The following SNURF variants were observed in gnomAD, a reference collection of about 807,000 sequenced individuals.
The protein encoded by SNURF is SNURF protein.
A neutral mutation model predicts 11.6 loss-of-function variants in SNURF; 6 were observed. The observed-to-expected ratio is 0.52, with a 90% confidence interval of 0.28 to 1.02. The LOEUF is 1.02. Among genes scored for constraint, SNURF ranks in the 50% least tolerant of loss-of-function variants. The pLI is 0.09. For synonymous variants in SNURF, 29 were observed against 31.6 expected, an observed-to-expected ratio of 0.92 and a Z score of 0.27; for missense variants, 84 against 88.4, an observed-to-expected ratio of 0.95 and a Z score of 0.20.
At chr15:24,971,027 G>A (rs879478889), downstream of SNURF, among the ~76,000 whole-genome samples, 2 of 151,702 alleles carry the variant, frequency 1.3e-5, no homozygotes, top group Non-Finnish European at 2.9e-5. Flanking sequence ...TGCTATGTGT[G>A]CCTTGGCCAA....
At chr15:24,962,637 T>A (rs2075011988) in intron 2 of SNURF, among the ~76,000 whole-genome samples, 2 of 152,300 alleles carry the variant, frequency 1.3e-5, no homozygotes, top group Non-Finnish European at 2.9e-5. Context: ...TAAAATACAT[T>A]TGTGTTTTTT....
At chr15:24,975,790 A>G (rs1273179612) in intron 4 of SNURF, among the ~76,000 whole-genome samples, 1 of 152,186 alleles carries the variant, frequency 6.6e-6, no homozygotes, top group African/African-American at 2.4e-5. Context: ...AAAATGCTAT[A>G]TTAATTAATT....
At chr15:24,964,210 T>C (rs955031111) in intron 2 of SNURF, among the ~76,000 whole-genome samples, 1 of 152,232 alleles carries the variant, frequency 6.6e-6, no homozygotes, top group Non-Finnish European at 1.5e-5. Flanking sequence ...ACGTTTTGTT[T>C]GTATATTGGT....
intron 2 of SNURF, among the ~76,000 whole-genome samples, chr15:24,962,428 G>A (rs186545162): frequency 2.0e-4 from 30 of 152,056 alleles, no homozygotes; most frequent in African/African-American, 6.7e-4. Context: ...TTTCCTATAC[G>A]TGGGTAAGTG....
exon 1 of SNURF, chr15:24,955,058 G>A: frequency 6.2e-7 from 1 of 1,613,458 alleles, no homozygotes; most frequent in East Asian, 2.2e-5. Flanking sequence ...GATGGAGCGG[G>A]CAAGGTCAGC....
chr15:24,977,366 G>T (rs2077180299), intron 6 of SNURF, among the ~76,000 whole-genome samples: 1 of 152,150 alleles, frequency 6.6e-6, no homozygotes, highest in Non-Finnish European at 1.5e-5. Flanking sequence ...TAGGCCGGGT[G>T]CAGTGGCTTA....
intron 1 of SNURF, among the ~76,000 whole-genome samples, chr15:24,961,651 T>A (rs952980780): frequency 2.0e-5 from 3 of 152,088 alleles, no homozygotes; most frequent in African/African-American, 7.3e-5. Flanking sequence ...CATGTTTTTT[T>A]AAAGTAGATA....
intron 1 of SNURF, among the ~76,000 whole-genome samples, chr15:24,960,887 T>C (rs377328681): frequency 1.3e-5 from 2 of 152,208 alleles, no homozygotes; most frequent in Non-Finnish European, 2.9e-5. Flanking sequence ...ATCATTCTTA[T>C]CAAAATTAGT....
At chr15:24,969,048 CT>C (rs1198563136), downstream of SNURF, among the ~76,000 whole-genome samples, 1 of 152,084 alleles carries the variant, frequency 6.6e-6, no homozygotes, top group South Asian at 2.1e-4. Context: ...TCCTTCTAGC[CT>C]TTTTTTAAGT....
intron 2 of SNURF, among the ~76,000 whole-genome samples, chr15:24,965,428 T>C (rs1232979364): frequency 6.6e-6 from 1 of 152,132 alleles, no homozygotes; most frequent in Non-Finnish European, 1.5e-5. Flanking sequence ...TCCCAGCTAC[T>C]CAGGAGGCTG....
chr15:24,961,692 T>C (rs1437926931), intron 1 of SNURF, among the ~76,000 whole-genome samples: 5 of 152,230 alleles, frequency 3.3e-5, no homozygotes, highest in Admixed American at 2.0e-4. Flanking sequence ...TCTATTCCAC[T>C]ATATAAGTAT....
intron 2 of SNURF, among the ~76,000 whole-genome samples, chr15:24,962,420 T>C (rs920173008): frequency 1.3e-5 from 2 of 152,222 alleles, no homozygotes; most frequent in Non-Finnish European, 2.9e-5. Flanking sequence ...TTTTCTTTTT[T>C]CCTATACGTG....
At chr15:24,972,118 T>G (rs955401626), downstream of SNURF, among the ~76,000 whole-genome samples, 41 of 151,996 alleles carry the variant, frequency 2.7e-4, no homozygotes, top group African/African-American at 9.4e-4. Flanking sequence ...TAGCCGGGTG[T>G]GGTGGCGGGC....
At chr15:24,967,200 C>T (rs1170477846) in intron 2 of SNURF, 1 of 152,340 alleles carries the variant, frequency 6.6e-6, no homozygotes, top group Admixed American at 6.5e-5. Context: ...AGGCTGCCAG[C>T]TCTTGTGTTT....
downstream of SNURF, chr15:24,978,117 A>G: frequency 6.9e-7 from 1 of 1,457,262 alleles, no homozygotes; most frequent in Non-Finnish European, 9.5e-7. Context: ...CCATTTCTTT[A>G]GGGATTATTT....
At chr15:24,971,553 A>G (rs540217885), downstream of SNURF, among the ~76,000 whole-genome samples, 1 of 151,630 alleles carries the variant, frequency 6.6e-6, no homozygotes, top group Non-Finnish European at 1.5e-5. Context: ...ATATATAAAT[A>G]TAAAATAATA....
intron 2 of SNURF, among the ~76,000 whole-genome samples, chr15:24,965,485 C>T (rs1025297860): frequency 1.4e-4 from 21 of 152,250 alleles, no homozygotes; most frequent in South Asian, 4.2e-4. Flanking sequence ...TGCAGTGAGC[C>T]GAGATGGTGC....
intron 2 of SNURF, among the ~76,000 whole-genome samples, chr15:24,967,456 A>G (rs1033546376): frequency 2.0e-5 from 3 of 152,062 alleles, no homozygotes; most frequent in Admixed American, 1.3e-4. Flanking sequence ...CCTGGCCAAC[A>G]TGGTGAAACC....
At chr15:24,978,027 C>G (rs144503909), downstream of SNURF, 44 of 1,233,842 alleles carry the variant, frequency 3.6e-5, no homozygotes, top group African/African-American at 9.1e-5. Context: ...CTTCCTTCTT[C>G]TAGATACTGG....
Sources: gnomAD v4.1 joint callset for allele counts (sites outside exome capture counted in the v4.1 genomes callset) on GRCh38, gnomAD v4.1.1 for gene constraint, MANE v1.5 for transcripts, NCBI Gene and HGNC (gene_info 2026-07-23, HGNC 2026-07-21) for gene names.